The following NUS1 variants were observed in gnomAD, a reference collection of about 807,000 sequenced individuals.
NUS1 encodes dehydrodolichyl diphosphate synthase complex subunit NUS1.
For synonymous variants in NUS1, 135 were observed against 155.2 expected (o/e 0.87, Z 0.97); for missense variants, 292 against 382.9 (o/e 0.76, Z 1.98).
intron 1 of NUS1, among the ~76,000 whole-genome samples, chr6:117,677,215 G>A (rs772683942): frequency 4.6e-5 from 7 of 152,276 alleles, no homozygotes; most frequent in Non-Finnish European, 1.0e-4. Context: ...TTGTTAGGAG[G>A]TAGGCACACA....
intron 4 of NUS1, among the ~76,000 whole-genome samples, chr6:117,704,364 T>C (rs1773470854): frequency 1.3e-5 from 2 of 152,170 alleles, no homozygotes; most frequent in South Asian, 4.1e-4. Flanking sequence ...AATTGCTTAT[T>C]TAGAACAGTT....
rs1396393146 is a variant in NUS1 at position 117,675,778 on chromosome 6, C to G, written c.108C>G (p.Ile36Met). ...TTCGGTTCGGCACCTGGAACTGGAT[C>G]TGGCGGCGCTGCTGCCGCGCCGCCT... ...LRVRFGTWNWIWRRCCRAASA... is the reference protein window; with the variant it reads ...LRVRFGTWNWMWRRCCRAASA... Residue 36 changes from isoleucine to methionine, a missense_variant, in exon 1 of 5, where the codon ATC becomes ATG. Coordinates refer to ENST00000368494, the MANE Select transcript of NUS1 (RefSeq NM_138459.5). The G allele has an allele frequency of 3.8e-6, 6 of 1,559,924 alleles. No homozygotes were observed. The South Asian group carries it at 5.9e-5, about 15-fold the overall frequency.
chr6:117,699,822 A>G (rs751783098), intron 3 of NUS1, among the ~76,000 whole-genome samples: 4 of 149,578 alleles, frequency 2.7e-5, no homozygotes, highest in Non-Finnish European at 6.0e-5. Context: ...CAGAGAATAG[A>G]CAATCTAGAG....
In NUS1 at chr6:117,708,017, C is replaced by T. The variant is rs1773525311; in HGVS notation, c.*1002C>T. 1 of 151,968 alleles carries T rather than the reference C, an allele frequency of 6.6e-6. No homozygotes were observed. The highest frequency in any genetic ancestry group is 6.6e-5 in the Admixed American group (1 of 15,260). The allele number at this position is 151,968 out of a possible 1,614,324, so 9.4% of individuals were successfully genotyped here. On this transcript the variant is annotated 3_prime_UTR_variant, in exon 5 of 5. Coordinates refer to ENST00000368494, the MANE Select transcript of NUS1 (RefSeq NM_138459.5). The stretch of plus-strand genomic sequence containing the variant: ...TAAAATAAACATTTGAGGGAAGTTA[C>T]CAAGGCAGCTTTTTTCCTCAAAAGT...
chr6:117,680,044 TAAC>T (rs1345660593), intron 1 of NUS1, among the ~76,000 whole-genome samples: 1 of 152,224 alleles, frequency 6.6e-6, no homozygotes, highest in Non-Finnish European at 1.5e-5. Flanking sequence ...TGGATCTAGA[TAAC>T]AACATTTAAT....
At chr6:117,703,084 CA>C (rs1773434356) in intron 3 of NUS1, among the ~76,000 whole-genome samples, 2 of 152,110 alleles carry the variant, frequency 1.3e-5, no homozygotes, top group Admixed American at 6.5e-5. Flanking sequence ...CCAAGGAAGA[CA>C]TTTGTGATGT....
chr6:117,703,279 A>G (rs1181070699), intron 3 of NUS1, among the ~76,000 whole-genome samples: 2 of 152,218 alleles, frequency 1.3e-5, no homozygotes, highest in Non-Finnish European at 2.9e-5. Context: ...GAACACCTAC[A>G]TTGAGTCTTA....
At chr6:117,678,897 G>A (rs542578733) in intron 1 of NUS1, among the ~76,000 whole-genome samples, 26 of 152,216 alleles carry the variant, frequency 1.7e-4, no homozygotes, top group African/African-American at 6.3e-4. Flanking sequence ...GGCCAGGCTG[G>A]TCTCAAACTC....
chr6:117,687,970 T>C (rs1174369352), intron 1 of NUS1, among the ~76,000 whole-genome samples: 1 of 152,102 alleles, frequency 6.6e-6, no homozygotes, highest in African/African-American at 2.4e-5. Flanking sequence ...ATCCCAATAC[T>C]TTTTGAGGCC....
intron 1 of NUS1, among the ~76,000 whole-genome samples, chr6:117,685,459 G>A (rs1405596831): frequency 1.3e-5 from 2 of 151,516 alleles, no homozygotes; most frequent in African/African-American, 2.4e-5. Context: ...GTTAACTGCA[G>A]CCTTGAACTC....
chr6:117,706,602 G>T (rs192986158), intron 4 of NUS1, among the ~76,000 whole-genome samples: 1 of 152,224 alleles, frequency 6.6e-6, no homozygotes, highest in African/African-American at 2.4e-5. Flanking sequence ...TAGTAGAATT[G>T]TTTGGCATAT....
At position 117,707,036 on chromosome 6, in the gene NUS1, T is replaced by C; in HGVS notation, c.*21T>C. 6.2e-7 allele frequency: 1 copy of C among 1,606,638 alleles called. No homozygotes were observed. Among genetic ancestry groups the C allele is most frequent in the Non-Finnish European group, 8.5e-7 (1 of 1,173,798 alleles). On this transcript the variant is annotated 3_prime_UTR_variant, in exon 5 of 5. Coordinates refer to ENST00000368494, the MANE Select transcript of NUS1 (RefSeq NM_138459.5). Reference sequence around the variant, plus strand: ...AGTAGTGGTCATTGGTTGCATAATTTGATTTGAGGCTTGTGGAGGAAAGGA... The same window carrying C: ...AGTAGTGGTCATTGGTTGCATAATTCGATTTGAGGCTTGTGGAGGAAAGGA...
intron 3 of NUS1, among the ~76,000 whole-genome samples, chr6:117,694,646 T>C (rs1773289931): frequency 1.3e-5 from 2 of 152,198 alleles, no homozygotes; most frequent in Admixed American, 6.5e-5. Flanking sequence ...GTATTTGTCA[T>C]GTTATACCAA....
chr6:117,685,257 C>T (rs1773120020), intron 1 of NUS1, among the ~76,000 whole-genome samples: 1 of 151,862 alleles, frequency 6.6e-6, no homozygotes, highest in Admixed American at 6.6e-5. Context: ...TGTGGTTTTA[C>T]TTTTATTTTT....
At chr6:117,701,355 C>T in intron 3 of NUS1, among the ~76,000 whole-genome samples, 1 of 151,542 alleles carries the variant, frequency 6.6e-6, no homozygotes, top group East Asian at 1.9e-4. Flanking sequence ...CGCCATTCTC[C>T]TGCCTCAGCC....
At position 117,685,906 on chromosome 6, in the gene NUS1, G is replaced by A. The variant is rs573324669; in HGVS notation, c.416-7136G>A. Among the ~76,000 whole-genome samples, 25 of 151,488 alleles carry A rather than the reference G, an allele frequency of 1.7e-4. No homozygotes were observed. In the South Asian group the frequency reaches 4.6e-3, roughly 28 times the overall value. On this transcript the variant is annotated intron_variant, in intron 1 of 4. Transcript: ENST00000368494. Reference sequence around the variant, plus strand: ...GAACCCAGGAGGTGGAGGTTGCAGTGAGCCGAGATCGCGCCATTGCACTCC... The same window carrying A: ...GAACCCAGGAGGTGGAGGTTGCAGTAAGCCGAGATCGCGCCATTGCACTCC...
At chr6:117,701,569 T>A (rs1582475989) in intron 3 of NUS1, among the ~76,000 whole-genome samples, 1 of 152,298 alleles carries the variant, frequency 6.6e-6, no homozygotes, top group East Asian at 1.9e-4. Flanking sequence ...TAAATAATAT[T>A]TTGCAGTTTC....
rs966727236 is a variant in NUS1 at position 117,678,829 on chromosome 6, G to A, written c.415+2744G>A. On this transcript the variant is annotated intron_variant, in intron 1 of 4. Coordinates refer to ENST00000368494, the MANE Select transcript of NUS1 (RefSeq NM_138459.5). ...AAGTAGCTGGGACTACAGGTGATGCGCGCCACCCCGCCCTGCTAATTTTTG... is the reference window on the plus strand; with the variant it reads ...AAGTAGCTGGGACTACAGGTGATGCACGCCACCCCGCCCTGCTAATTTTTG... Among the ~76,000 whole-genome samples the A allele has an allele frequency of 3.3e-5, 5 of 151,788 alleles. No individual in the cohort carries two copies. In the South Asian group the frequency reaches 6.2e-4, roughly 19 times the overall value.
chr6:117,703,354 A>AG (rs1359403778), intron 3 of NUS1, among the ~76,000 whole-genome samples: 1 of 152,156 alleles, frequency 6.6e-6, no homozygotes, highest in Admixed American at 6.5e-5. Flanking sequence ...ACCCTTTCTT[A>AG]TCAGGTAATC....
Sources: gnomAD v4.1 joint callset for allele counts (sites outside exome capture counted in the v4.1 genomes callset) on GRCh38, gnomAD v4.1.1 for gene constraint, MANE v1.5 for transcripts, NCBI Gene and HGNC (gene_info 2026-07-23, HGNC 2026-07-21) for gene names.